The following ALPL variants were observed in gnomAD, a reference collection of about 807,000 sequenced individuals.
The protein encoded by ALPL is alkaline phosphatase, tissue-nonspecific isozyme.
ALPL carries 42 observed loss-of-function variants against 51.3 expected under a neutral mutation model. The ratio of observed to expected loss-of-function variants is 0.82; its 90% CI spans 0.64 to 1.06. The LOEUF is 1.06. Ranked by LOEUF, ALPL falls within the 50% of genes least tolerant of loss-of-function variation. ALPL has a pLI of 0.00. For missense variants in ALPL, 589 were observed against 709.4 expected, an observed-to-expected ratio of 0.83 and a Z score of 1.93; for synonymous variants, 279 against 296.4, an observed-to-expected ratio of 0.94 and a Z score of 0.60.
At chr1:21,526,294 C>G (rs1159808769) in intron 1 of ALPL, among the ~76,000 whole-genome samples, 1 of 152,004 alleles carries the variant, frequency 6.6e-6, no homozygotes, top group Non-Finnish European at 1.5e-5. Context: ...CATGTACCAC[C>G]ATACCTGGCT....
At chr1:21,520,090 A>G (rs1487203945) in intron 1 of ALPL, among the ~76,000 whole-genome samples, 1 of 152,050 alleles carries the variant, frequency 6.6e-6, no homozygotes, top group Non-Finnish European at 1.5e-5. Context: ...CTCAGTTTCC[A>G]GGCACTTATT....
chr1:21,554,012 G>GCCCACC lies in ALPL; in HGVS notation c.-66_-61dup. 1 of 995,214 alleles carries GCCCACC rather than the reference G, an allele frequency of 1.0e-6. No homozygotes were observed. The highest frequency in any genetic ancestry group is 1.6e-6 in the Non-Finnish European group (1 of 623,798). The allele number at this position is 995,214 out of a possible 1,614,324, so 61.6% of individuals were successfully genotyped here. A position where few individuals can be genotyped will look rare whatever the true frequency, so the allele number is the denominator to read the frequency against. On this transcript the variant is annotated 5_prime_UTR_variant, in exon 2 of 12. Transcript: ENST00000374840. Reference sequence around the variant, plus strand: ...ATCAGTTAACATCTGACCACTGCCAGCCCACCCCCTCCCACCCACGTCGAT... The same window carrying GCCCACC: ...ATCAGTTAACATCTGACCACTGCCAGCCCACCCCCACCCCCTCCCACCCACGTCGAT...
At chr1:21,539,590 G>GC (rs1203421503) in intron 1 of ALPL, among the ~76,000 whole-genome samples, 1 of 151,560 alleles carries the variant, frequency 6.6e-6, no homozygotes, top group East Asian at 1.9e-4. Context: ...ACCTATCCCT[G>GC]CCCCTGATGT....
intron 1 of ALPL, among the ~76,000 whole-genome samples, chr1:21,535,130 G>A (rs1352423957): frequency 6.6e-6 from 1 of 152,236 alleles, no homozygotes; most frequent in East Asian, 1.9e-4. Flanking sequence ...TAACATATAG[G>A]GAAAGCCCTA....
intron 1 of ALPL, among the ~76,000 whole-genome samples, chr1:21,514,182 G>A (rs1643747357): frequency 6.6e-6 from 1 of 152,154 alleles, no homozygotes; most frequent in Admixed American, 6.5e-5. Context: ...GAGTCTGAGG[G>A]CTCTGGAGGT....
At chr1:21,548,350 C>T (rs1256343) in intron 1 of ALPL, among the ~76,000 whole-genome samples, 19,736 of 152,228 alleles carry the variant, frequency 0.13, 1,479 homozygotes, top group Middle Eastern at 0.18. Flanking sequence ...TTGTCCTGAG[C>T]GGAGGCTATG....
chr1:21,572,274 ACTGGGGCTGG>A (rs1199167721), intron 8 of ALPL, among the ~76,000 whole-genome samples: 2 of 152,174 alleles, frequency 1.3e-5, no homozygotes, highest in Non-Finnish European at 2.9e-5. Context: ...TGAAGGCTTG[ACTGGGGCTGG>A]TGCTTCCAGG....
intron 1 of ALPL, among the ~76,000 whole-genome samples, chr1:21,520,466 CTT>C (rs35922763): frequency 3.1e-4 from 34 of 111,454 alleles, no homozygotes; most frequent in African/African-American, 1.0e-3. Context: ...TCTTTTTTCT[CTT>C]TTTTTTTTTT....
rs112591027 is a variant in ALPL at position 21,549,903 on chromosome 1, T to C, written c.-104-4075T>C. Among the ~76,000 whole-genome samples the C allele has an allele frequency of 7.8e-3, 1,192 of 152,182 alleles. 21 individuals are homozygous for C. The highest frequency in any genetic ancestry group is 0.028 in the African/African-American group (1,147 of 41,510). ...GTAGGTATAAATCTAAGAAAACATATCCAAGATCTACAGGCTGAAGACTAC... is the reference window on the plus strand; with the variant it reads ...GTAGGTATAAATCTAAGAAAACATACCCAAGATCTACAGGCTGAAGACTAC... On this transcript the variant is annotated intron_variant, in intron 1 of 11. Transcript: ENST00000374840.
chr1:21,516,411 C>T (rs1643801493), intron 1 of ALPL, among the ~76,000 whole-genome samples: 2 of 146,294 alleles, frequency 1.4e-5, no homozygotes, highest in Admixed American at 1.4e-4. Flanking sequence ...CCACTACTAA[C>T]TAAAAGTCCA....
intron 2 of ALPL, among the ~76,000 whole-genome samples, chr1:21,554,722 C>T (rs1644377103): frequency 6.6e-6 from 1 of 151,532 alleles, no homozygotes; most frequent in South Asian, 2.1e-4. Context: ...GATCTCCTGA[C>T]CTCATGATCC....
chr1:21,533,952 AG>A (rs1644065088), intron 1 of ALPL, among the ~76,000 whole-genome samples: 3 of 151,096 alleles, frequency 2.0e-5, no homozygotes, highest in African/African-American at 7.3e-5. Flanking sequence ...AAGAAGAAGA[AG>A]AAGAAGAAGA....
At chr1:21,516,071 G>T (rs1643794523) in intron 1 of ALPL, among the ~76,000 whole-genome samples, 1 of 152,018 alleles carries the variant, frequency 6.6e-6, no homozygotes, top group South Asian at 2.1e-4. Context: ...GTAGAGATGA[G>T]GTCTTGCAAT....
intron 9 of ALPL, 149 bp from the exon 10 acceptor site, chr1:21,575,584 G>GGCA (rs1246032367): frequency 1.1e-6 from 1 of 932,582 alleles, no homozygotes; most frequent in African/African-American, 1.7e-5. Context: ...AAAATGCCTA[G>GGCA]GCTGTGGTGC....
chr1:21,554,733 G>A (rs1184765814), intron 2 of ALPL, among the ~76,000 whole-genome samples: 18 of 150,946 alleles, frequency 1.2e-4, no homozygotes, highest in African/African-American at 1.7e-4. Context: ...CTCATGATCC[G>A]CCTGCCTCGG....
At chr1:21,522,778 C>T (rs570773676) in intron 1 of ALPL, among the ~76,000 whole-genome samples, 7 of 152,248 alleles carry the variant, frequency 4.6e-5, no homozygotes, top group East Asian at 3.9e-4. Context: ...GAGGGAGCCC[C>T]GAATCTGCTG....
chr1:21,557,998 G>A (rs58530465), intron 2 of ALPL, among the ~76,000 whole-genome samples: 2,489 of 152,286 alleles, frequency 0.016, 91 homozygotes, highest in African/African-American at 0.057. Context: ...AGTATGTACC[G>A]ATCAGTGCCC....
intron 8 of ALPL, among the ~76,000 whole-genome samples, chr1:21,571,611 A>G (rs1644649198): frequency 6.6e-6 from 1 of 151,656 alleles, no homozygotes; most frequent in Admixed American, 6.6e-5. Context: ...GGCGGAGGTT[A>G]CAGTGAGCCA....
Position 21,554,997 on chromosome 1 carries a change from G to C in ALPL, c.61+855G>C, listed in dbSNP as rs1644394754. ...TCCGAGTGAAGAGACCACCAAACAG[G>C]CTTTGAGTGAGCAACAAGGCTGTTT... On this transcript the variant is annotated intron_variant, in intron 2 of 11. Coordinates refer to ENST00000374840, the MANE Select transcript of ALPL (RefSeq NM_000478.6). Among the ~76,000 whole-genome samples the C allele has an allele frequency of 2.0e-5, 3 of 150,342 alleles. No individual in the cohort carries two copies. The Admixed American group carries it at 2.0e-4, about 10-fold the overall frequency.
Sources: allele counts gnomAD v4.1 joint callset (sites outside exome capture counted in the v4.1 genomes callset), GRCh38; gene constraint gnomAD v4.1.1; transcripts MANE v1.5; gene names NCBI Gene and HGNC (gene_info 2026-07-23, HGNC 2026-07-21).